FANCA: variants seen among roughly 807,000 people sequenced by gnomAD.
The protein encoded by FANCA is Fanconi anemia group A protein.
FANCA carries 236 observed loss-of-function variants against 194.3 expected under a neutral mutation model. The ratio of observed to expected loss-of-function variants is 1.21; its 90% CI spans 1.09 to 1.35. FANCA has a LOEUF of 1.35. Among genes scored for constraint, FANCA ranks in the 40% most tolerant of loss-of-function variants. The pLI, the probability that FANCA is intolerant of heterozygous loss-of-function variation, is 0.00. For missense variants in FANCA, 2,628 were observed against 1,813.9 expected (o/e 1.45, Z -8.15); for synonymous variants, 1,014 against 715.8 (o/e 1.42, Z -6.65).
intron 36 of FANCA, 117 bp downstream of exon 36, chr16:89,744,842 C>T (rs2062207755): frequency 5.3e-6 from 5 of 935,558 alleles, no homozygotes; most frequent in Non-Finnish European, 8.4e-6. Context: ...TCCCTGCTCA[C>T]ACGAGAGGCT....
intron 15 of FANCA, among the ~76,000 whole-genome samples, chr16:89,783,716 C>T (rs943905949): frequency 1.3e-5 from 2 of 152,164 alleles, no homozygotes; most frequent in African/African-American, 2.4e-5. Flanking sequence ...CGGCCGCCTG[C>T]AGCTCCATGC....
chr16:89,737,843 C>T lies in FANCA; in HGVS notation c.*758G>A, dbSNP rs530844175. On this transcript the variant is annotated 3_prime_UTR_variant, in exon 43 of 43. Coordinates refer to ENST00000389301, the MANE Select transcript of FANCA (RefSeq NM_000135.4). The stretch of plus-strand genomic sequence containing the variant: ...ATATCTGTGACGAATGTGGACAAAC[C>T]TTCAAGCAGCGGAAGCACCTTCTCG... The T allele has an allele frequency of 1.9e-6, 3 of 1,614,174 alleles. No homozygotes were observed. Among genetic ancestry groups the T allele is most frequent in the Non-Finnish European group, 1.7e-6 (2 of 1,180,046 alleles).
In FANCA at chr16:89,738,473, G is replaced by A; in HGVS notation, c.*128C>T. On this transcript the variant is annotated 3_prime_UTR_variant, in exon 43 of 43. Coordinates refer to ENST00000389301, the MANE Select transcript of FANCA (RefSeq NM_000135.4). ...GGGGCCGGACAGTTCATAAATAATT[G>A]ATTCCTTTCCCCACTAAAGCAGTCG... 6.8e-7 allele frequency: 1 copy of A among 1,466,878 alleles called. No homozygotes were observed. 90.9% of individuals were successfully genotyped at this position (1,466,878 alleles called of 1,614,324 possible).
intron 42 of FANCA, 78 bp from the exon 43 acceptor site, chr16:89,738,786 A>C (rs1369089334): frequency 1.9e-6 from 3 of 1,613,002 alleles, no homozygotes; most frequent in Non-Finnish European, 2.5e-6. Flanking sequence ...TGGCAGAAAT[A>C]GTCGAGTTGT....
At chr16:89,790,738 TC>T (rs986089379) in intron 14 of FANCA, among the ~76,000 whole-genome samples, 2 of 146,312 alleles carry the variant, frequency 1.4e-5, no homozygotes, top group Non-Finnish European at 3.0e-5. Context: ...AGACTCCATC[TC>T]AAAAAAAAAA....
Position 89,762,076 on chromosome 16 carries a change from C to T in FANCA, c.2779-54G>A, listed in dbSNP as rs17226841. On this transcript the variant is annotated intron_variant, in intron 28 of 42. Transcript: ENST00000389301. Reference sequence around the variant, plus strand: ...AATGAGGACAGAACACACAATCCACCGACAGGTTTATAAACCAGTTTGTCA... The same window carrying T: ...AATGAGGACAGAACACACAATCCACTGACAGGTTTATAAACCAGTTTGTCA... The T allele has an allele frequency of 0.069, 95,055 of 1,387,180 alleles. 4,049 individuals are homozygous for T. Among genetic ancestry groups the T allele is most frequent in the East Asian group, 0.16 (7,186 of 43,650 alleles). 85.9% of individuals were successfully genotyped at this position (1,387,180 alleles called of 1,614,324 possible).
intron 28 of FANCA, among the ~76,000 whole-genome samples, chr16:89,763,609 A>T (rs988493166): frequency 2.0e-5 from 3 of 152,116 alleles, no homozygotes; most frequent in African/African-American, 7.2e-5. Context: ...AGAGACCCTG[A>T]GTGACCACCA....
intron 17 of FANCA, among the ~76,000 whole-genome samples, chr16:89,782,209 A>G (rs2039739542): frequency 6.6e-6 from 1 of 151,276 alleles, no homozygotes; most frequent in Admixed American, 6.6e-5. Context: ...CCTCGTCTCT[A>G]CTAAAAAAAA....
intron 17 of FANCA, among the ~76,000 whole-genome samples, chr16:89,780,235 G>T (rs2039654076): frequency 6.6e-6 from 1 of 152,174 alleles, no homozygotes; most frequent in Admixed American, 6.5e-5. Context: ...TCTGCTGAGA[G>T]CCTGCCGTGA....
intron 39 of FANCA, 178 bp from the exon 40 acceptor site, chr16:89,739,731 G>A: frequency 1.3e-6 from 2 of 1,498,408 alleles, no homozygotes; most frequent in Non-Finnish European, 1.8e-6. Flanking sequence ...AGAGGATGGG[G>A]GGGTCGACCT....
chr16:89,741,042 A>C, intron 37 of FANCA, 176 bp from the exon 38 acceptor site: 6 of 652,866 alleles, frequency 9.2e-6, no homozygotes, highest in East Asian at 2.8e-5. Flanking sequence ...TTGAGAATTA[A>C]TTACTACTGG....
chr16:89,808,910 ATTT>A (rs112058471), intron 5 of FANCA, among the ~76,000 whole-genome samples: 2 of 140,604 alleles, frequency 1.4e-5, no homozygotes, highest in Admixed American at 7.1e-5. Context: ...CTCACACTCT[ATTT>A]TTTTTTTTTT....
chr16:89,764,071 G>T (rs567775541), intron 28 of FANCA, among the ~76,000 whole-genome samples: 2 of 150,024 alleles, frequency 1.3e-5, no homozygotes, highest in African/African-American at 4.9e-5. Flanking sequence ...GTGAAACCCC[G>T]TCTGTACTAA....
At chr16:89,768,810 G>A (rs1262609344) in intron 26 of FANCA, among the ~76,000 whole-genome samples, 1 of 152,150 alleles carries the variant, frequency 6.6e-6, no homozygotes, top group Non-Finnish European at 1.5e-5. Context: ...GCATCTCTGT[G>A]TTTCTAAGAG....
chr16:89,751,600 G>T (rs1002873410), intron 31 of FANCA, among the ~76,000 whole-genome samples: 4 of 152,156 alleles, frequency 2.6e-5, no homozygotes, highest in African/African-American at 9.7e-5. Flanking sequence ...CGGAGGGAGA[G>T]ACAGGGGCCT....
At position 89,742,146 on chromosome 16, in the gene FANCA, T is replaced by G. The variant is rs569333647; in HGVS notation, c.3765+654A>C. On this transcript the variant is annotated intron_variant, in intron 37 of 42. Transcript: ENST00000389301. ...TGCGCACCACCACACCCGACTAATT[T>G]TTGTGTTTTTAGTAGAGACAGGGTT... 5.3e-5 allele frequency among the ~76,000 whole-genome samples: 8 copies of G among 152,060 alleles called. No homozygotes were observed. The South Asian group carries it at 1.7e-3, about 32-fold the overall frequency.
rs748122887 is a variant in FANCA at position 89,775,752 on chromosome 16, C to G, written c.1890G>C (p.Glu630Asp). 3.7e-6 allele frequency: 6 copies of G among 1,612,040 alleles called. No homozygotes were observed. The African/African-American group carries it at 6.7e-5, about 18-fold the overall frequency. Residue 630 changes from glutamate (E) to aspartate (D), a missense_variant, in exon 21 of 43, where the codon GAG (glutamate) becomes GAC (aspartate). Glu to Asp is a conservative substitution (Grantham distance 45). Coordinates refer to ENST00000389301, the MANE Select transcript of FANCA (RefSeq NM_000135.4). ...TYCQACSAAE[E>D]KPEDAALGVR... is the part of the protein sequence containing the mutation. ...GGCCCAGGAACTTACCTTCTGGCTT[C>G]TCTTCAGCAGCAGAGCAGGCCTGGC...
At chr16:89,794,883 C>A (rs923978402) in intron 11 of FANCA, among the ~76,000 whole-genome samples, 1 of 152,178 alleles carries the variant, frequency 6.6e-6, no homozygotes, top group East Asian at 1.9e-4. Context: ...AGAACCATGA[C>A]ACAGTCACAG....
chr16:89,764,546 T>TG (rs1414890386), intron 28 of FANCA, among the ~76,000 whole-genome samples: 1 of 152,190 alleles, frequency 6.6e-6, no homozygotes, highest in East Asian at 1.9e-4. Flanking sequence ...GTTCAGGTGA[T>TG]CAACCCGCCT....
Sources: allele counts gnomAD v4.1 joint callset (sites outside exome capture counted in the v4.1 genomes callset), GRCh38; gene constraint gnomAD v4.1.1; transcripts MANE v1.5; gene names NCBI Gene and HGNC (gene_info 2026-07-23, HGNC 2026-07-21).